Variants in ANKRD52 observed in about 807,000 individuals in gnomAD.
The protein encoded by ANKRD52 is ankyrin repeat domain 52.
Under a neutral mutation model 116.0 loss-of-function variants are expected in ANKRD52, and 7 were observed. The observed-to-expected ratio is 0.06, with a 90% CI of 0.03 to 0.11. ANKRD52 has a LOEUF of 0.11. ANKRD52 is among the 10% of genes least tolerant of loss of function. The probability of loss-of-function intolerance (pLI) is 1.00; values close to 1 mark genes in which losing one functional copy is unlikely to be tolerated. For synonymous variants in ANKRD52, 528 were observed against 578.1 expected (o/e 0.91, Z 1.24); for missense variants, 839 against 1,408.6 (o/e 0.60, Z 6.47).
chr12:56,252,617 A>T lies in ANKRD52; in HGVS notation c.1302-47T>A. Reference sequence around the variant, plus strand: ...AGAGTTACAGCCTCAAAGGGAAGCCACAGGCCCAGGGTGGGGCTAAGGAAG... The same window carrying T: ...AGAGTTACAGCCTCAAAGGGAAGCCTCAGGCCCAGGGTGGGGCTAAGGAAG... On this transcript the variant is annotated intron_variant, in intron 12 of 27. Transcript: ENST00000267116. This position sits in a 1 kb window ranked among gnomAD's most constrained non-coding sequence, Gnocchi z 4.7. 6.3e-7 allele frequency: 1 copy of T among 1,595,894 alleles called. No homozygotes were observed. Among genetic ancestry groups the T allele is most frequent in the Non-Finnish European group, 8.6e-7 (1 of 1,164,380 alleles).
chr12:56,256,369 C>A (rs1392147420), intron 4 of ANKRD52, among the ~76,000 whole-genome samples: 1 of 152,188 alleles, frequency 6.6e-6, no homozygotes, highest in Non-Finnish European at 1.5e-5. Context: ...CCCTGAACAC[C>A]CTCTTTAGCC....
In ANKRD52 at chr12:56,253,162, C is replaced by A. The variant is rs571855088; in HGVS notation, c.1101-76G>T. On this transcript the variant is annotated intron_variant, in intron 10 of 27. Coordinates refer to ENST00000267116, the MANE Select transcript of ANKRD52 (RefSeq NM_173595.4). This position sits in a 1 kb window ranked among gnomAD's most constrained non-coding sequence, Gnocchi z 5.5. ...AGACCTCTTCTGTGACCTACCACCACCCTAGAGTCAGGGTAGGAGGTTCTC... is the reference window on the plus strand; with the variant it reads ...AGACCTCTTCTGTGACCTACCACCAACCTAGAGTCAGGGTAGGAGGTTCTC... The A allele has an allele frequency of 2.1e-6, 3 of 1,453,150 alleles. No homozygotes were observed. The highest frequency in any genetic ancestry group is 2.8e-6 in the Non-Finnish European group (3 of 1,068,438). 90.0% of individuals were successfully genotyped at this position (1,453,150 alleles called of 1,614,324 possible).
At position 56,255,645 on chromosome 12, in the gene ANKRD52, T is replaced by G. The variant is rs1049971450; in HGVS notation, c.462+139A>C. The G allele has an allele frequency of 1.8e-5, 13 of 728,354 alleles. No individual in the cohort carries two copies. Among genetic ancestry groups the G allele is most frequent in the Admixed American group, 5.8e-5 (2 of 34,562 alleles). 45.1% of individuals were successfully genotyped at this position (728,354 alleles called of 1,614,324 possible). ...TTTTAATCTAGTCTGACCATTCATTTAGTGCTTCAGCTTAAGTGTTTATAT... is the reference window on the plus strand; with the variant it reads ...TTTTAATCTAGTCTGACCATTCATTGAGTGCTTCAGCTTAAGTGTTTATAT... On this transcript the variant is annotated intron_variant, in intron 5 of 27. Transcript: ENST00000267116. The surrounding 1 kb of genome is among the most constrained non-coding windows in gnomAD (Gnocchi z 4.3).
rs1871820825 is a variant in ANKRD52 at position 56,253,947 on chromosome 12, A to T, written c.906+120T>A. 1 of 1,341,362 alleles carries T rather than the reference A, an allele frequency of 7.5e-7. No homozygotes were observed. Among genetic ancestry groups the T allele is most frequent in the East Asian group, 2.4e-5 (1 of 41,708 alleles). 83.1% of individuals were successfully genotyped at this position (1,341,362 alleles called of 1,614,324 possible). On this transcript the variant is annotated intron_variant, in intron 8 of 27. Coordinates refer to ENST00000267116, the MANE Select transcript of ANKRD52 (RefSeq NM_173595.4). This position sits in a 1 kb window ranked among gnomAD's most constrained non-coding sequence, Gnocchi z 5.5. Reference sequence around the variant, plus strand: ...GCCCACTCTTTCCTGAGTCCCTGGCAAGGTCTGATTACCCTAGGAAGCAAG... The same window carrying T: ...GCCCACTCTTTCCTGAGTCCCTGGCTAGGTCTGATTACCCTAGGAAGCAAG...
At position 56,247,762 on chromosome 12, in the gene ANKRD52, T is replaced by C. The variant is rs1409222640; in HGVS notation, c.1991A>G (p.His664Arg). The change falls in exon 19 of 28, where the codon CAC (histidine) becomes CGC (arginine). Residue 664 changes from histidine (H) to arginine (R), a missense_variant. Coordinates refer to ENST00000267116, the MANE Select transcript of ANKRD52 (RefSeq NM_173595.4). ...TPLHAAAASG[H>R]TDSLHLLIDS... ...GATCAGCAAGTGCAGGGAGTCAGTGTGGCCAGAGGCAGCTAGGGGAAAGGG... is the reference window on the plus strand; with the variant it reads ...GATCAGCAAGTGCAGGGAGTCAGTGCGGCCAGAGGCAGCTAGGGGAAAGGG... 2 of 1,612,010 alleles carry C rather than the reference T, an allele frequency of 1.2e-6. No individual in the cohort carries two copies. Among genetic ancestry groups the C allele is most frequent in the South Asian group, 2.2e-5 (2 of 90,620 alleles).
rs947008646 is a variant in ANKRD52, at chr12:56,247,778, G to A, written c.1979-4C>T. On this transcript the variant is annotated splice_polypyrimidine_tract_variant and splice_region_variant and intron_variant, in intron 18 of 27. Coordinates refer to ENST00000267116, the MANE Select transcript of ANKRD52 (RefSeq NM_173595.4). The stretch of plus-strand genomic sequence containing the variant: ...GAGTCAGTGTGGCCAGAGGCAGCTA[G>A]GGGAAAGGGACCCCGTGTCAGGGCA... 9.3e-6 allele frequency: 15 copies of A among 1,610,936 alleles called. No homozygotes were observed. The highest frequency in any genetic ancestry group is 1.3e-5 in the Non-Finnish European group (15 of 1,178,846).
intron 1 of ANKRD52, 150 bp downstream of exon 1, chr12:56,258,093 C>A: frequency 7.0e-7 from 1 of 1,420,248 alleles, no homozygotes; most frequent in Non-Finnish European, 9.6e-7. Context: ...CCAAGGACAC[C>A]GGCTCGGTTG....
chr12:56,254,542 C>G lies in ANKRD52; in HGVS notation c.693+36G>C. ...ACAGACTATAATCTCCTACTTGCTG[C>G]CCATAGTTCCCAACCCCAGAGCTCA... On this transcript the variant is annotated intron_variant, in intron 7 of 27. Coordinates refer to ENST00000267116, the MANE Select transcript of ANKRD52 (RefSeq NM_173595.4). This position sits in a 1 kb window ranked among gnomAD's most constrained non-coding sequence, Gnocchi z 4.6. The G allele has an allele frequency of 6.2e-7, 1 of 1,604,140 alleles. No individual in the cohort carries two copies. The highest frequency in any genetic ancestry group is 8.5e-7 in the Non-Finnish European group (1 of 1,174,782).
At chr12:56,246,858 T>C (rs1871424653) in intron 20 of ANKRD52, among the ~76,000 whole-genome samples, 1 of 150,058 alleles carries the variant, frequency 6.7e-6, no homozygotes, top group African/African-American at 2.5e-5. Context: ...AGGCGGAGGT[T>C]GCAGTGAGCC....
chr12:56,256,620 C>T (rs1429322968), intron 4 of ANKRD52, among the ~76,000 whole-genome samples: 1 of 152,184 alleles, frequency 6.6e-6, no homozygotes, highest in Non-Finnish European at 1.5e-5. Context: ...ATATGTTTGG[C>T]CCCTGTGCTG....
rs1871305757 is a variant in ANKRD52 at position 56,244,513 on chromosome 12, G to A, written c.2723-78C>T. The A allele has an allele frequency of 8.2e-6, 13 of 1,594,730 alleles. No homozygotes were observed. The highest frequency in any genetic ancestry group is 1.9e-4 in the Middle Eastern group (1 of 5,350). ...ATCCTGGCTCTCCACTTTGCATCCC[G>A]TCTGCAGATGGCGAGACATCCAAAG... On this transcript the variant is annotated intron_variant, in intron 24 of 27. Coordinates refer to ENST00000267116, the MANE Select transcript of ANKRD52 (RefSeq NM_173595.4). This position sits in a 1 kb window ranked among gnomAD's most constrained non-coding sequence, Gnocchi z 4.9.
chr12:56,252,122 G>T lies in ANKRD52; in HGVS notation c.1512-27C>A, dbSNP rs757493904. 1.2e-6 allele frequency: 2 copies of T among 1,613,958 alleles called. No individual in the cohort carries two copies. Among genetic ancestry groups the T allele is most frequent in the Non-Finnish European group, 1.7e-6 (2 of 1,179,854 alleles). On this transcript the variant is annotated intron_variant, in intron 14 of 27. Transcript: ENST00000267116. The surrounding 1 kb of genome is among the most constrained non-coding windows in gnomAD (Gnocchi z 4.7). ...TGGGGAAGAGAGAGAGAAAGTTAGG[G>T]CCAGGCTCAGGGAGGTGAATGGGGC...
intron 15 of ANKRD52, 61 bp downstream of exon 15, chr12:56,251,954 T>C: frequency 3.9e-6 from 6 of 1,555,864 alleles, no homozygotes; most frequent in Non-Finnish European, 5.3e-6. Context: ...AGGAGGACAG[T>C]AGGGCCAGAG....
chr12:56,242,104 G>A lies in ANKRD52; in HGVS notation c.*1038C>T. ...CTCTTGGACATAACGGAAGGTGGAG[G>A]CAGATAGGGAGCACAGATAAACTAT... On this transcript the variant is annotated 3_prime_UTR_variant, in exon 28 of 28. Transcript: ENST00000267116. This position sits in a 1 kb window ranked among gnomAD's most constrained non-coding sequence, Gnocchi z 4.3. 1 of 398,674 alleles carries A rather than the reference G, an allele frequency of 2.5e-6. No homozygotes were observed. The allele number at this position is 398,674 out of a possible 1,614,324, so 24.7% of individuals were successfully genotyped here. A position where few individuals can be genotyped will look rare whatever the true frequency, so the allele number is the denominator to read the frequency against.
chr12:56,248,037 G>C lies in ANKRD52; in HGVS notation c.1964C>G (p.Pro655Arg). 6.2e-7 allele frequency: 1 copy of C among 1,604,734 alleles called. No homozygotes were observed. Among genetic ancestry groups the C allele is most frequent in the Non-Finnish European group, 8.5e-7 (1 of 1,179,070 alleles). Residue 655 changes from proline to arginine, a missense_variant, in exon 18 of 28, where the codon CCC (proline) becomes CGC (arginine). Physicochemically the swap from Pro to Arg is moderately radical, Grantham distance 103. Transcript: ENST00000267116. This position sits in a 1 kb window ranked among gnomAD's most constrained non-coding sequence, Gnocchi z 5.1. The stretch of plus-strand genomic sequence containing the variant: ...TGGGCACTAACCAGCAGCGTGCAGG[G>C]GTGTCCACTTGCGCTTGCGCTCCTT... ...LIKERKRKWT[P>R]LHAAAASGHT...
intron 4 of ANKRD52, 65 bp downstream of exon 4, chr12:56,256,950 C>T (rs1165501606): frequency 1.3e-6 from 2 of 1,530,662 alleles, no homozygotes; most frequent in South Asian, 2.5e-5. Context: ...GCTCCTTAAC[C>T]CTTAACCCCC....
intron 15 of ANKRD52, among the ~76,000 whole-genome samples, chr12:56,250,280 T>A (rs184298562): frequency 3.9e-3 from 585 of 151,736 alleles, no homozygotes; most frequent in Admixed American, 5.7e-3. Context: ...TTAGCCAGGC[T>A]GGTCTCATAC....
At position 56,248,164 on chromosome 12, in the gene ANKRD52, C is replaced by T. The variant is rs372511387; in HGVS notation, c.1837G>A (p.Val613Ile). Reference sequence around the variant, plus strand: ...GCGGTCCGGCCCTTGTGGTCCCTTACGTCCAGATTCACCAGCGTCTCCGCC... The same window carrying T: ...GCGGTCCGGCCCTTGTGGTCCCTTATGTCCAGATTCACCAGCGTCTCCGCC... The part of the protein sequence containing the change: ...TLAETLVNLD[V>I]RDHKGRTALF... The change falls in exon 18 of 28, where the codon GTA (valine) becomes ATA (isoleucine). Residue 613 changes from valine to isoleucine, a missense_variant. Around this residue, in one of 2 missense-constraint regions of ANKRD52, gnomAD observed 552 missense variants for 810.6 expected, o/e 0.68. Transcript: ENST00000267116. This position sits in a 1 kb window ranked among gnomAD's most constrained non-coding sequence, Gnocchi z 5.1. 2.5e-5 allele frequency: 41 copies of T among 1,613,888 alleles called. No homozygotes were observed. Among genetic ancestry groups the T allele is most frequent in the Admixed American group, 8.3e-5 (5 of 60,014 alleles).
intron 20 of ANKRD52, among the ~76,000 whole-genome samples, chr12:56,246,968 A>G (rs1175855400): frequency 4.3e-5 from 6 of 141,066 alleles, no homozygotes; most frequent in Admixed American, 1.4e-4. Flanking sequence ...TAATAATAAT[A>G]ATAATAAACA....
Sources: allele counts gnomAD v4.1 joint callset (sites outside exome capture counted in the v4.1 genomes callset), GRCh38; gene constraint gnomAD v4.1.1; regional missense constraint gnomAD v4.1.1; non-coding constraint Gnocchi (gnomAD v3.1); transcripts MANE v1.5; gene names NCBI Gene and HGNC (gene_info 2026-07-23, HGNC 2026-07-21).